The following NASP variants were observed in gnomAD, a reference collection of about 807,000 sequenced individuals.
NASP encodes the protein nuclear autoantigenic sperm protein, also known as NASP histone chaperone.
A neutral mutation model predicts 89.5 loss-of-function variants in NASP; 24 were observed. The ratio of observed to expected loss-of-function variants is 0.27; its 90% CI spans 0.19 to 0.38. The LOEUF (loss-of-function observed/expected upper bound fraction) is 0.38. Among genes scored for constraint, NASP ranks in the 10% least tolerant of loss-of-function variants. The pLI is 1.00. For missense variants in NASP, 848 were observed against 921.4 expected, an observed-to-expected ratio of 0.92 and a Z score of 1.03; for synonymous variants, 306 against 324.7, an observed-to-expected ratio of 0.94 and a Z score of 0.62.
chr1:45,602,616 GT>G (rs1268322622), intron 3 of NASP, among the ~76,000 whole-genome samples: 2 of 151,932 alleles, frequency 1.3e-5, no homozygotes, highest in Non-Finnish European at 2.9e-5. Context: ...CCTTGTCCTG[GT>G]TTATCTAGGA....
At chr1:45,614,206 T>C in intron 8 of NASP, 25 bp downstream of exon 8, 1 of 1,601,716 alleles carries the variant, frequency 6.2e-7, no homozygotes. Context: ...GCTTCTAGGC[T>C]TGGGTTGGGA....
intron 3 of NASP, among the ~76,000 whole-genome samples, chr1:45,602,655 T>A (rs975779614): frequency 6.6e-6 from 1 of 152,058 alleles, no homozygotes; most frequent in East Asian, 1.9e-4. Flanking sequence ...CCACCCCCGC[T>A]TTTTTTTGTT....
At chr1:45,616,471 G>A (rs1300157022) in intron 12 of NASP, 78 bp downstream of exon 12, 2 of 1,547,794 alleles carry the variant, frequency 1.3e-6, no homozygotes, top group East Asian at 4.5e-5. Context: ...AGCATTTTGG[G>A]AGGCCAAGGC....
chr1:45,587,902 C>T (rs1237153622), intron 1 of NASP, among the ~76,000 whole-genome samples: 14 of 150,276 alleles, frequency 9.3e-5, no homozygotes, highest in East Asian at 4.0e-4. Flanking sequence ...TGCAGTGAGT[C>T]GAGATTGTGC....
At chr1:45,603,677 T>C (rs1023969906) in intron 3 of NASP, among the ~76,000 whole-genome samples, 15 of 150,442 alleles carry the variant, frequency 1.0e-4, no homozygotes, top group African/African-American at 3.7e-4. Context: ...TGGCGCGATG[T>C]CAGCTCACTG....
intron 2 of NASP, among the ~76,000 whole-genome samples, chr1:45,593,135 T>C (rs1279718437): frequency 6.6e-6 from 1 of 152,208 alleles, no homozygotes; most frequent in Non-Finnish European, 1.5e-5. Context: ...AAACGTAGCA[T>C]TCCTATGTAT....
intron 1 of NASP, among the ~76,000 whole-genome samples, chr1:45,590,012 C>CA (rs1643491634): frequency 6.6e-6 from 1 of 152,188 alleles, no homozygotes; most frequent in Non-Finnish European, 1.5e-5. Flanking sequence ...TAGAAACCAG[C>CA]AGTGTGTCAC....
At position 45,593,996 on chromosome 1, in the gene NASP, T is replaced by C. The variant is rs115652535; in HGVS notation, c.107+2726T>C. On this transcript the variant is annotated intron_variant, in intron 2 of 14. Transcript: ENST00000350030. ...GTGAGCTATGATCCTGCCACTGCACTCTAGTCTGGGTGACAGAGTGAGACC... is the reference window on the plus strand; with the variant it reads ...GTGAGCTATGATCCTGCCACTGCACCCTAGTCTGGGTGACAGAGTGAGACC... Among the ~76,000 whole-genome samples the C allele has an allele frequency of 3.0e-3, 451 of 151,020 alleles. 4 individuals carry two copies. The highest frequency in any genetic ancestry group is 0.022 in the East Asian group (115 of 5,148).
In NASP at chr1:45,593,663, CTTTTT is replaced by C. The variant is rs553586924; in HGVS notation, c.107+2401_107+2405del. Among the ~76,000 whole-genome samples, 869 of 142,884 alleles carry C rather than the reference CTTTTT, an allele frequency of 6.1e-3. 5 individuals are homozygous for C. The highest frequency in any genetic ancestry group is 0.019 in the South Asian group (86 of 4,486). The allele number at this position is 142,884 out of a possible 152,430, so 93.7% of individuals were successfully genotyped here. A position where few individuals can be genotyped will look rare whatever the true frequency, so the allele number is the denominator to read the frequency against. On this transcript the variant is annotated intron_variant, in intron 2 of 14. Coordinates refer to ENST00000350030, the MANE Select transcript of NASP (RefSeq NM_002482.4). The stretch of plus-strand genomic sequence containing the variant: ...AAATGAGTGCTGGCAATGAGCTGTA[CTTTTT>C]TTTTTTTCTCTTAAACGGGAAAAGG...
intron 6 of NASP, chr1:45,609,364 G>A (rs1311387235): frequency 6.6e-6 from 1 of 152,112 alleles, no homozygotes; most frequent in African/African-American, 2.4e-5. Context: ...TTCTACCTAT[G>A]TGCAGGTCCC....
Position 45,607,536 on chromosome 1 carries a change from A to G in NASP, c.625A>G (p.Thr209Ala). ...VDLTLDWLTETSEEAKGGAAP... is the reference protein window; with the variant it reads ...VDLTLDWLTEASEEAKGGAAP... The stretch of plus-strand genomic sequence containing the variant: ...CTTGACTCTAGATTGGTTAACTGAA[A>G]CCTCTGAAGAGGCAAAAGGAGGAGC... The change falls in exon 6 of 15, where the codon ACC becomes GCC. Residue 209 changes from threonine (T) to alanine (A), a missense_variant. Physicochemically the swap from Thr to Ala is moderately conservative, Grantham distance 58 (BLOSUM62 0). Transcript: ENST00000350030. 6.2e-7 allele frequency: 1 copy of G among 1,614,068 alleles called. No individual in the cohort carries two copies.
intron 3 of NASP, among the ~76,000 whole-genome samples, chr1:45,604,402 T>C (rs1352371924): frequency 1.3e-5 from 2 of 152,250 alleles, no homozygotes; most frequent in South Asian, 2.1e-4. Context: ...ATTTAGTTCT[T>C]GCAATAGCTC....
rs183431449 is a variant in NASP at position 45,590,528 on chromosome 1, C to T, written c.60-695C>T. On this transcript the variant is annotated intron_variant, in intron 1 of 14. Transcript: ENST00000350030. ...TCGTGCCAGGGCACTCCAGCCTGGG[C>T]GACAGAGCAAGACTCTGTCTCAAAA... 6.8e-3 allele frequency among the ~76,000 whole-genome samples: 917 copies of T among 134,122 alleles called. 11 individuals are homozygous for T. The highest frequency in any genetic ancestry group is 0.024 in the African/African-American group (856 of 35,374). The allele number at this position is 134,122 out of a possible 152,430, so 88.0% of individuals were successfully genotyped here. A position where few individuals can be genotyped will look rare whatever the true frequency, so the allele number is the denominator to read the frequency against.
chr1:45,617,923 G>A (rs1202493241), intron 14 of NASP, 138 bp from the exon 15 acceptor site: 1 of 709,622 alleles, frequency 1.4e-6, no homozygotes, highest in Non-Finnish European at 2.4e-6. Context: ...ATACTTTGTG[G>A]TCACTGCCCT....
rs1644089335 is a variant in NASP, at chr1:45,615,437, G to C, written c.1988G>C (p.Gly663Ala). The C allele has an allele frequency of 1.2e-6, 2 of 1,613,828 alleles. No individual in the cohort carries two copies. The highest frequency in any genetic ancestry group is 2.7e-5 in the African/African-American group (2 of 74,880). ...GATGCAAAGGAGTCTCAGCGTAGTG[G>C]GAATGTAGCTGAACTGGCTCTGAAA... ...IEDAKESQRS[G>A]NVAELALKAT... Residue 663 changes from glycine (G) to alanine (A), a missense_variant, in exon 11 of 15, where the codon GGG (glycine) becomes GCG (alanine). Gly to Ala is a moderately conservative substitution (Grantham distance 60). This residue lies in a region of NASP where 218 missense variants were observed against 219.6 expected (regional missense o/e 0.99). Transcript: ENST00000350030.
Position 45,608,027 on chromosome 1 carries a change from A to G in NASP, c.1116A>G (p.Pro372=). 1.2e-6 allele frequency: 2 copies of G among 1,614,052 alleles called. No homozygotes were observed. The highest frequency in any genetic ancestry group is 1.7e-6 in the Non-Finnish European group (2 of 1,179,914). Residue 372 remains proline (P), a synonymous_variant, in exon 6 of 15, where the codon CCA becomes CCG. Transcript: ENST00000350030. ...CTGAAAAGCCTGGGCAGGAGGCTCC[A>G]GTTCTCCCTAAGGATGGTGCAGTCA... ...EVSEKPGQEA[P]VLPKDGAVNG... is the part of the protein sequence containing the mutation.
At position 45,602,240 on chromosome 1, in the gene NASP, A is replaced by T. The variant is rs1465176944; in HGVS notation, c.108-15A>T. ...TAAACAGTACTTGACACTAGAAAAA[A>T]TCTTTTTTTTGCAGTCTGGATGTGG... On this transcript the variant is annotated splice_polypyrimidine_tract_variant and intron_variant, in intron 2 of 14. Coordinates refer to ENST00000350030, the MANE Select transcript of NASP (RefSeq NM_002482.4). 6.2e-7 allele frequency: 1 copy of T among 1,606,106 alleles called. No individual in the cohort carries two copies. The highest frequency in any genetic ancestry group is 2.2e-5 in the East Asian group (1 of 44,790).
Position 45,618,087 on chromosome 1 carries a change from A to C in NASP, c.2313A>C (p.Ala771=), listed in dbSNP as rs1281222233. The C allele has an allele frequency of 6.2e-7, 1 of 1,603,630 alleles. No individual in the cohort carries two copies. The highest frequency in any genetic ancestry group is 8.5e-7 in the Non-Finnish European group (1 of 1,174,958). ...CTGAGAATCAGGCTGAAAGCCGGGC[A>C]GCAGTGGAGGGGACAGTGGAGGCTG... The part of the protein sequence containing the change: ...EEAENQAESR[A]AVEGTVEAGA... The change falls in exon 15 of 15, where the codon GCA becomes GCC. Residue 771 remains alanine, a synonymous_variant. Transcript: ENST00000350030.
At chr1:45,602,476 T>C in intron 3 of NASP, 111 bp downstream of exon 3, 2 of 1,057,628 alleles carry the variant, frequency 1.9e-6, no homozygotes, top group Non-Finnish European at 2.7e-6. Context: ...TTAAAACATT[T>C]GATTATTTTT....
Sources: gnomAD v4.1 joint callset for allele counts (sites outside exome capture counted in the v4.1 genomes callset) on GRCh38, gnomAD v4.1.1 for gene constraint, gnomAD v4.1.1 regional missense constraint, MANE v1.5 for transcripts, NCBI Gene and HGNC (gene_info 2026-07-23, HGNC 2026-07-21) for gene names.